The following STPG1 variants were observed in gnomAD, a reference collection of about 807,000 sequenced individuals.
STPG1 encodes O(6)-methylguanine-induced apoptosis 2.
STPG1 carries 33 observed loss-of-function variants against 40.1 expected under a neutral mutation model. That is an observed-to-expected ratio of 0.82 (90% confidence interval 0.62 to 1.10). The LOEUF (loss-of-function observed/expected upper bound fraction) is 1.10, where lower values mean the gene tolerates loss of function less well. Ranked by LOEUF, STPG1 falls within the 50% of genes least tolerant of loss-of-function variation. The probability of loss-of-function intolerance (pLI) is 0.00; values close to 1 mark genes in which losing one functional copy is unlikely to be tolerated. For missense variants in STPG1, 396 were observed against 415.1 expected, an observed-to-expected ratio of 0.95 and a Z score of 0.40; for synonymous variants, 150 against 155.0, an observed-to-expected ratio of 0.97 and a Z score of 0.24.
At chr1:24,367,408 AT>A (rs960489239) in intron 7 of STPG1, among the ~76,000 whole-genome samples, 3 of 152,208 alleles carry the variant, frequency 2.0e-5, no homozygotes, top group Non-Finnish European at 4.4e-5. Flanking sequence ...AAGCTTCCAA[AT>A]TTGGGCTGGG....
intron 1 of STPG1, among the ~76,000 whole-genome samples, chr1:24,410,484 C>G (rs1289198359): frequency 6.6e-6 from 1 of 152,148 alleles, no homozygotes; most frequent in Admixed American, 6.5e-5. Context: ...TGGCGTGCAC[C>G]TGTAGTCCCA....
rs1643223314 is a variant in STPG1, at chr1:24,401,398, A to T, written c.-10T>A. The T allele has an allele frequency of 3.1e-6, 5 of 1,613,578 alleles. No homozygotes were observed. The highest frequency in any genetic ancestry group is 4.2e-6 in the Non-Finnish European group (5 of 1,179,688). On this transcript the variant is annotated 5_prime_UTR_variant, in exon 2 of 9. Transcript: ENST00000337248. The stretch of plus-strand genomic sequence containing the variant: ...GTGCAGAGTTGTCCATGTTAGCAAA[A>T]TTCTGTGACGTGTTCCATTTGTTTG...
chr1:24,381,770 A>G (rs1193000179), intron 4 of STPG1, among the ~76,000 whole-genome samples: 1 of 152,224 alleles, frequency 6.6e-6, no homozygotes, highest in East Asian at 1.9e-4. Flanking sequence ...TCTTTCTCTG[A>G]TGAGAGCTAC....
intron 4 of STPG1, among the ~76,000 whole-genome samples, chr1:24,381,814 C>T (rs4140519): frequency 0.4 from 60,280 of 151,860 alleles, 12,302 homozygotes; most frequent in African/African-American, 0.48. Flanking sequence ...GATGCAGAAG[C>T]GGAGGAGGTG....
chr1:24,412,729 A>G (rs1643756905), intron 1 of STPG1, among the ~76,000 whole-genome samples: 1 of 152,188 alleles, frequency 6.6e-6, no homozygotes, highest in African/African-American at 2.4e-5. Context: ...AATTTTTAAA[A>G]TTAGTATTTT....
rs150959156 is a variant in STPG1, at chr1:24,369,227, T to C, written c.737+447A>G. The C allele has an allele frequency of 6.8e-3, 2,673 of 394,694 alleles. 19 individuals are homozygous for C. Among genetic ancestry groups the C allele is most frequent in the Non-Finnish European group, 9.9e-3 (1,897 of 192,122 alleles). The allele number at this position is 394,694 out of a possible 1,614,324, so 24.4% of individuals were successfully genotyped here. On this transcript the variant is annotated intron_variant, in intron 7 of 8. Coordinates refer to ENST00000337248, the MANE Select transcript of STPG1 (RefSeq NM_001199013.2). ...CTATGAGAGCTTGACTGCTTCTGAA[T>C]GTCCTGCCACTCCAGCGAAGATTTT...
chr1:24,358,992 T>C (rs1640908612), intron 8 of STPG1, among the ~76,000 whole-genome samples: 1 of 152,180 alleles, frequency 6.6e-6, no homozygotes, highest in Non-Finnish European at 1.5e-5. Flanking sequence ...GCAGAAGCCA[T>C]GACAATTGCG....
chr1:24,403,876 A>G (rs1005703259), intron 1 of STPG1, among the ~76,000 whole-genome samples: 7 of 152,094 alleles, frequency 4.6e-5, no homozygotes, highest in Non-Finnish European at 7.4e-5. Flanking sequence ...TACATATATA[A>G]TCATGTTGTA....
intron 3 of STPG1, among the ~76,000 whole-genome samples, chr1:24,388,542 CAA>C (rs1310825999): frequency 6.6e-6 from 1 of 152,162 alleles, no homozygotes; most frequent in Non-Finnish European, 1.5e-5. Context: ...TGGTTCACTG[CAA>C]AGTTAGCCTC....
intron 6 of STPG1, among the ~76,000 whole-genome samples, chr1:24,370,641 A>G (rs1641694044): frequency 6.6e-6 from 1 of 152,042 alleles, no homozygotes; most frequent in South Asian, 2.1e-4. Context: ...ACAGATGCCC[A>G]CCACCACGCC....
At chr1:24,364,129 C>T in intron 7 of STPG1, 1 of 1,467,900 alleles carries the variant, frequency 6.8e-7, no homozygotes, top group Non-Finnish European at 9.1e-7. Flanking sequence ...CTGTGAGAAA[C>T]ACCAACTTTC....
chr1:24,376,468 C>A (rs1374010317), intron 5 of STPG1, among the ~76,000 whole-genome samples: 1 of 152,080 alleles, frequency 6.6e-6, no homozygotes, highest in South Asian at 2.1e-4. Context: ...CAATAATGAA[C>A]AAAAAACATG....
chr1:24,361,723 C>T (rs1303684376), intron 7 of STPG1, among the ~76,000 whole-genome samples: 1 of 152,148 alleles, frequency 6.6e-6, no homozygotes, highest in East Asian at 1.9e-4. Flanking sequence ...AGTCTGTCTT[C>T]CCCTCCTTCC....
intron 2 of STPG1, among the ~76,000 whole-genome samples, chr1:24,398,206 A>G (rs1452103416): frequency 6.6e-6 from 1 of 152,032 alleles, no homozygotes; most frequent in African/African-American, 2.4e-5. Context: ...TTCATATGCT[A>G]TTTTCCCTCT....
At position 24,362,719 on chromosome 1, in the gene STPG1, A is replaced by G. The variant is rs75449954; in HGVS notation, c.738-1678T>C. Among the ~76,000 whole-genome samples the G allele has an allele frequency of 7.2e-5, 11 of 151,902 alleles. No homozygotes were observed. In the East Asian group the frequency reaches 2.1e-3, roughly 29 times the overall value. On this transcript the variant is annotated intron_variant, in intron 7 of 8. Coordinates refer to ENST00000337248, the MANE Select transcript of STPG1 (RefSeq NM_001199013.2). Reference sequence around the variant, plus strand: ...GACAGGGCCCTTCCACCCCAGAGTCATGCTGAGGCAGGGGACACCCCCCTG... The same window carrying G: ...GACAGGGCCCTTCCACCCCAGAGTCGTGCTGAGGCAGGGGACACCCCCCTG...
At chr1:24,395,630 C>T (rs2148708413) in intron 2 of STPG1, among the ~76,000 whole-genome samples, 1 of 152,174 alleles carries the variant, frequency 6.6e-6, no homozygotes, top group East Asian at 1.9e-4. Context: ...GACGGGGTTT[C>T]ACCGTGTTAG....
At chr1:24,400,344 G>A (rs1643175073) in intron 2 of STPG1, among the ~76,000 whole-genome samples, 1 of 152,162 alleles carries the variant, frequency 6.6e-6, no homozygotes, top group Admixed American at 6.5e-5. Flanking sequence ...TAACCGTAGT[G>A]TTTACTTTTG....
chr1:24,369,104 C>T (rs1641605382), intron 7 of STPG1: 1 of 318,626 alleles, frequency 3.1e-6, no homozygotes, highest in Non-Finnish European at 6.1e-6. Flanking sequence ...TAGAACTCTG[C>T]CCAAGGTCAC....
chr1:24,405,626 CATATT>C (rs1239859516), intron 1 of STPG1, among the ~76,000 whole-genome samples: 10 of 152,154 alleles, frequency 6.6e-5, no homozygotes, highest in Middle Eastern at 3.4e-3. Context: ...TTGAAATTCC[CATATT>C]ATATTATTGT....
Sources: allele counts gnomAD v4.1 joint callset (sites outside exome capture counted in the v4.1 genomes callset), GRCh38; gene constraint gnomAD v4.1.1; transcripts MANE v1.5; gene names NCBI Gene and HGNC (gene_info 2026-07-23, HGNC 2026-07-21).